Variants in CNTNAP2 observed in about 807,000 individuals in gnomAD.
CNTNAP2 encodes contactin associated protein 2, also known as contactin-associated protein-like 2.
A neutral mutation model predicts 155.2 loss-of-function variants in CNTNAP2; 98 were observed. The ratio of observed to expected loss-of-function variants is 0.63; its 90% CI spans 0.54 to 0.75. The LOEUF (loss-of-function observed/expected upper bound fraction) is 0.75. Among genes scored for constraint, CNTNAP2 ranks in the 30% least tolerant of loss-of-function variants. The probability of loss-of-function intolerance (pLI) is 0.00; values close to 1 mark genes in which losing one functional copy is unlikely to be tolerated. For missense variants in CNTNAP2, 1,727 were observed against 1,688.1 expected (o/e 1.02, Z -0.40); for synonymous variants, 651 against 631.2 (o/e 1.03, Z -0.47).
chr7:147,921,265 C>T (rs1241851850), intron 14 of CNTNAP2, among the ~76,000 whole-genome samples: 1 of 152,224 alleles, frequency 6.6e-6, no homozygotes, highest in Non-Finnish European at 1.5e-5. Flanking sequence ...CATTTGCCTG[C>T]TGTCCACACC....
intron 1 of CNTNAP2, among the ~76,000 whole-genome samples, chr7:146,489,766 G>A (rs1797111433): frequency 6.6e-6 from 1 of 152,162 alleles, no homozygotes; most frequent in Non-Finnish European, 1.5e-5. Flanking sequence ...CAAGGGAATA[G>A]CTCTCAGCAG....
intron 13 of CNTNAP2, among the ~76,000 whole-genome samples, chr7:147,676,269 G>A (rs1439064685): frequency 2.0e-5 from 3 of 151,984 alleles, no homozygotes; most frequent in East Asian, 1.9e-4. Context: ...TGTATGTGAA[G>A]TACTTAGCAG....
intron 20 of CNTNAP2, among the ~76,000 whole-genome samples, chr7:148,252,496 C>G (rs893403918): frequency 6.6e-6 from 1 of 152,116 alleles, no homozygotes. Flanking sequence ...GAATATCCAC[C>G]CAGAATGAAG....
At chr7:148,164,303 T>C (rs1340520515) in intron 17 of CNTNAP2, among the ~76,000 whole-genome samples, 10 of 152,082 alleles carry the variant, frequency 6.6e-5, no homozygotes. Context: ...TGGTAGCATA[T>C]AGAACAGGAG....
At chr7:146,181,627 T>C (rs1461426067) in intron 1 of CNTNAP2, among the ~76,000 whole-genome samples, 1 of 152,190 alleles carries the variant, frequency 6.6e-6, no homozygotes, top group African/African-American at 2.4e-5. Context: ...ACTTTTTTAC[T>C]GCTCAGATGA....
intron 1 of CNTNAP2, among the ~76,000 whole-genome samples, chr7:146,162,837 A>G (rs958125405): frequency 1.3e-5 from 2 of 152,208 alleles, no homozygotes; most frequent in Non-Finnish European, 2.9e-5. Flanking sequence ...ATAAAAAAGG[A>G]TGAGTTCATG....
intron 9 of CNTNAP2, among the ~76,000 whole-genome samples, chr7:147,330,113 C>T (rs1171549952): frequency 3.9e-5 from 6 of 152,026 alleles, no homozygotes; most frequent in South Asian, 2.1e-4. Flanking sequence ...ACCAGAAAGA[C>T]CAAATGATGA....
intron 12 of CNTNAP2, among the ~76,000 whole-genome samples, chr7:147,587,554 T>C (rs1231338450): frequency 1.3e-5 from 2 of 152,170 alleles, no homozygotes; most frequent in Non-Finnish European, 2.9e-5. Flanking sequence ...TAAACTCAAT[T>C]GTAACACTAG....
intron 1 of CNTNAP2, among the ~76,000 whole-genome samples, chr7:146,175,510 G>A (rs1167044440): frequency 6.6e-6 from 1 of 152,140 alleles, no homozygotes; most frequent in Non-Finnish European, 1.5e-5. Context: ...GGGCAAAGAT[G>A]TATTACATGA....
chr7:148,352,420 A>G (rs1448809084), intron 21 of CNTNAP2, among the ~76,000 whole-genome samples: 1 of 152,252 alleles, frequency 6.6e-6, no homozygotes, highest in Non-Finnish European at 1.5e-5. Flanking sequence ...CTCTTTCTAA[A>G]ATACAGGGAC....
intron 1 of CNTNAP2, among the ~76,000 whole-genome samples, chr7:146,158,650 A>G (rs887740344): frequency 2.6e-5 from 4 of 152,184 alleles, no homozygotes; most frequent in Non-Finnish European, 5.9e-5. Context: ...CCAGTGATTG[A>G]AGATCAAATG....
intron 1 of CNTNAP2, among the ~76,000 whole-genome samples, chr7:146,356,263 C>A (rs537128795): frequency 1.3e-5 from 2 of 152,308 alleles, no homozygotes; most frequent in East Asian, 1.9e-4. Flanking sequence ...TTCTAACAAT[C>A]TTTGCATTTA....
At chr7:146,731,950 A>G (rs557633216) in intron 1 of CNTNAP2, among the ~76,000 whole-genome samples, 4 of 151,900 alleles carry the variant, frequency 2.6e-5, no homozygotes, top group African/African-American at 9.7e-5. Context: ...TATATATATA[A>G]AAGCATCCAA....
intron 1 of CNTNAP2, among the ~76,000 whole-genome samples, chr7:146,486,938 A>T (rs796455048): frequency 1.3e-5 from 2 of 152,198 alleles, no homozygotes; most frequent in East Asian, 3.8e-4. Context: ...CTGTACTGTA[A>T]CTTCACTCTG....
intron 1 of CNTNAP2, among the ~76,000 whole-genome samples, chr7:146,610,262 A>G (rs1799114604): frequency 6.6e-6 from 1 of 152,116 alleles, no homozygotes; most frequent in African/African-American, 2.4e-5. Context: ...CCTAGGAGAG[A>G]GCAGAGCCCT....
At chr7:146,820,763 G>C (rs1264697472) in intron 2 of CNTNAP2, among the ~76,000 whole-genome samples, 4 of 152,092 alleles carry the variant, frequency 2.6e-5, no homozygotes, top group African/African-American at 7.2e-5. Flanking sequence ...GTTGACAGTG[G>C]GGTGTTAAAG....
chr7:147,039,136 G>A (rs1384043322), intron 3 of CNTNAP2, among the ~76,000 whole-genome samples: 2 of 152,062 alleles, frequency 1.3e-5, no homozygotes, highest in African/African-American at 4.8e-5. Context: ...ATAACAATAT[G>A]TACATATTAC....
intron 13 of CNTNAP2, among the ~76,000 whole-genome samples, chr7:147,870,506 T>A (rs1346270765): frequency 1.3e-5 from 2 of 152,144 alleles, no homozygotes; most frequent in Admixed American, 1.3e-4. Flanking sequence ...TCATTCACAC[T>A]CCTGCACCAG....
At chr7:147,296,887 G>C (rs1464715595) in intron 8 of CNTNAP2, among the ~76,000 whole-genome samples, 1 of 152,126 alleles carries the variant, frequency 6.6e-6, no homozygotes, top group Non-Finnish European at 1.5e-5. Context: ...TGCACACCTA[G>C]TTTCTGGACT....
Sources: allele counts gnomAD v4.1 joint callset (sites outside exome capture counted in the v4.1 genomes callset), GRCh38; gene constraint gnomAD v4.1.1; transcripts MANE v1.5; gene names NCBI Gene and HGNC (gene_info 2026-07-23, HGNC 2026-07-21).